Variants in GRID2 observed in about 807,000 individuals in gnomAD.
The protein encoded by GRID2 is glutamate ionotropic receptor delta type subunit 2, also known as glutamate receptor ionotropic, delta-2.
A neutral mutation model predicts 114.8 loss-of-function variants in GRID2; 33 were observed. The observed-to-expected ratio is 0.29, with a 90% CI of 0.22 to 0.38. The LOEUF (loss-of-function observed/expected upper bound fraction) is 0.38, where lower values mean the gene tolerates loss of function less well. Ranked by LOEUF, GRID2 falls within the 10% of genes least tolerant of loss-of-function variation. The pLI is 1.00. For synonymous variants in GRID2, 505 were observed against 449.9 expected (o/e 1.12, Z -1.55); for missense variants, 1,184 against 1,257.7 (o/e 0.94, Z 0.89).
intron 14 of GRID2, among the ~76,000 whole-genome samples, chr4:93,748,515 G>A (rs1426357383): frequency 1.3e-5 from 2 of 152,168 alleles, no homozygotes; most frequent in Non-Finnish European, 2.9e-5. Context: ...GTTGTAATTA[G>A]TTGAAACTTG....
chr4:92,786,650 T>A (rs578083586), intron 2 of GRID2, among the ~76,000 whole-genome samples: 1 of 152,016 alleles, frequency 6.6e-6, no homozygotes, highest in South Asian at 2.1e-4. Flanking sequence ...TTTAGGGTGC[T>A]GGCAATGTTA....
At chr4:92,743,390 A>G (rs945975250) in intron 2 of GRID2, among the ~76,000 whole-genome samples, 1 of 152,212 alleles carries the variant, frequency 6.6e-6, no homozygotes, top group African/African-American at 2.4e-5. Context: ...ATGAGCAGTC[A>G]TATAGATTTC....
intron 14 of GRID2, among the ~76,000 whole-genome samples, chr4:93,758,266 G>T (rs991306082): frequency 3.9e-5 from 6 of 152,154 alleles, no homozygotes; most frequent in South Asian, 4.1e-4. Flanking sequence ...AAACAGTAAT[G>T]TTATTTTCCC....
intron 2 of GRID2, among the ~76,000 whole-genome samples, chr4:92,830,219 A>G (rs1404274026): frequency 2.6e-5 from 4 of 152,084 alleles, no homozygotes; most frequent in Non-Finnish European, 5.9e-5. Context: ...TAAGAACAGA[A>G]AATGAACTGA....
intron 10 of GRID2, among the ~76,000 whole-genome samples, chr4:93,432,561 CA>C (rs1327837537): frequency 2.6e-5 from 4 of 151,798 alleles, no homozygotes; most frequent in Non-Finnish European, 4.4e-5. Flanking sequence ...TTAGAGAAAA[CA>C]AAAGAAATGA....
intron 2 of GRID2, among the ~76,000 whole-genome samples, chr4:93,075,407 C>T (rs1449749964): frequency 6.6e-6 from 1 of 152,010 alleles, no homozygotes; most frequent in Non-Finnish European, 1.5e-5. Context: ...CCCTAAAAAT[C>T]AGGAAAAGGG....
At chr4:92,544,395 C>G (rs182356838) in intron 1 of GRID2, among the ~76,000 whole-genome samples, 3 of 152,158 alleles carry the variant, frequency 2.0e-5, no homozygotes, top group Admixed American at 6.5e-5. Context: ...CCATGTCATT[C>G]AATTTGATTC....
chr4:92,767,977 G>A (rs1031493040), intron 2 of GRID2, among the ~76,000 whole-genome samples: 2 of 151,152 alleles, frequency 1.3e-5, no homozygotes, highest in African/African-American at 2.4e-5. Flanking sequence ...TGTTACTTAT[G>A]CTTATTTTGT....
At chr4:93,088,021 G>A (rs1730471987) in intron 3 of GRID2, among the ~76,000 whole-genome samples, 1 of 152,092 alleles carries the variant, frequency 6.6e-6, no homozygotes, top group Admixed American at 6.6e-5. Context: ...ATGGAATTAG[G>A]CAGCTTCCTG....
In GRID2 at chr4:92,625,565, G is replaced by A. The variant is rs944678087; in HGVS notation, c.244+35279G>A. ...AGGGCACAGGCTTTATATCAAGAAA[G>A]CCTGCATTTAAAAAAACCCAACCAA... On this transcript the variant is annotated intron_variant, in intron 2 of 15. Coordinates refer to ENST00000282020, the MANE Select transcript of GRID2 (RefSeq NM_001510.4). Among the ~76,000 whole-genome samples, 8 of 151,724 alleles carry A rather than the reference G, an allele frequency of 5.3e-5. No individual in the cohort carries two copies. The East Asian group carries it at 1.5e-3, about 29-fold the overall frequency.
At chr4:93,534,260 T>G (rs1426073792) in intron 13 of GRID2, among the ~76,000 whole-genome samples, 1 of 152,198 alleles carries the variant, frequency 6.6e-6, no homozygotes, top group Non-Finnish European at 1.5e-5. Context: ...AATATATAAT[T>G]TACTTGCAAT....
At chr4:92,700,993 C>CAAAAAAAAAA (rs781142253) in intron 2 of GRID2, among the ~76,000 whole-genome samples, 7 of 83,858 alleles carry the variant, frequency 8.3e-5, no homozygotes, top group African/African-American at 3.4e-4. Flanking sequence ...GACTCCATCT[C>CAAAAAAAAAA]AAAAAAAAAA....
chr4:93,531,717 A>G lies in GRID2; in HGVS notation c.2193+16306A>G, dbSNP rs1453316416. Among the ~76,000 whole-genome samples, 4 of 152,140 alleles carry G rather than the reference A, an allele frequency of 2.6e-5. No homozygotes were observed. In the South Asian group the frequency reaches 8.3e-4, roughly 31 times the overall value. ...TGTTGTTTATTTGTATACAATATGT[A>G]TATACCATAGACAGATGTACATTAC... On this transcript the variant is annotated intron_variant, in intron 13 of 15. Coordinates refer to ENST00000282020, the MANE Select transcript of GRID2 (RefSeq NM_001510.4).
chr4:92,646,378 T>G (rs1176052024), intron 2 of GRID2, among the ~76,000 whole-genome samples: 2 of 152,228 alleles, frequency 1.3e-5, no homozygotes, highest in African/African-American at 4.8e-5. Flanking sequence ...TCAAATATAT[T>G]ACATTATTAA....
intron 8 of GRID2, among the ~76,000 whole-genome samples, chr4:93,378,958 T>C (rs1763614700): frequency 6.6e-6 from 1 of 152,016 alleles, no homozygotes; most frequent in African/African-American, 2.4e-5. Context: ...TATATAGAGG[T>C]CCAAGATTGA....
At chr4:92,729,528 T>A (rs1162871256) in intron 2 of GRID2, among the ~76,000 whole-genome samples, 3 of 152,048 alleles carry the variant, frequency 2.0e-5, no homozygotes, top group Non-Finnish European at 4.4e-5. Flanking sequence ...ATGTTTTGCT[T>A]TGTTTTGGCA....
intron 2 of GRID2, among the ~76,000 whole-genome samples, chr4:92,709,656 G>A (rs1422502961): frequency 6.7e-6 from 1 of 150,008 alleles, no homozygotes. Flanking sequence ...TAGAGGGGAA[G>A]TGGCAAAATA....
chr4:93,255,157 A>T (rs1749424436), intron 8 of GRID2, among the ~76,000 whole-genome samples: 1 of 152,062 alleles, frequency 6.6e-6, no homozygotes, highest in African/African-American at 2.4e-5. Context: ...TCATATACAT[A>T]CTAATGTTTT....
intron 1 of GRID2, among the ~76,000 whole-genome samples, chr4:92,352,847 G>A (rs946147734): frequency 6.6e-6 from 1 of 151,880 alleles, no homozygotes; most frequent in Non-Finnish European, 1.5e-5. Flanking sequence ...ATTATTAAGT[G>A]TCTTGGTTTG....
Sources: gnomAD v4.1 joint callset for allele counts (sites outside exome capture counted in the v4.1 genomes callset) on GRCh38, gnomAD v4.1.1 for gene constraint, MANE v1.5 for transcripts, NCBI Gene and HGNC (gene_info 2026-07-23, HGNC 2026-07-21) for gene names.